Variants in XYLT1 observed in about 807,000 individuals in gnomAD.
XYLT1 encodes the protein beta-D-xylosyltransferase 1.
XYLT1 carries 36 observed loss-of-function variants against 91.3 expected under a neutral mutation model. That is an observed-to-expected ratio of 0.39 (90% CI 0.30 to 0.52). XYLT1 has a LOEUF of 0.52. Ranked by LOEUF, XYLT1 falls within the 20% of genes least tolerant of loss-of-function variation. The probability of loss-of-function intolerance (pLI) is 0.68; values close to 1 mark genes in which losing one functional copy is unlikely to be tolerated. For missense variants in XYLT1, 1,242 were observed against 1,284.5 expected, an observed-to-expected ratio of 0.97 and a Z score of 0.51; for synonymous variants, 588 against 532.0, an observed-to-expected ratio of 1.11 and a Z score of -1.45.
intron 1 of XYLT1, among the ~76,000 whole-genome samples, chr16:17,470,112 C>A (rs1596564646): frequency 1.3e-5 from 2 of 152,278 alleles, no homozygotes; most frequent in East Asian, 3.9e-4. Flanking sequence ...CCTACACGCA[C>A]GGAGCAAGTC....
At chr16:17,123,168 G>A (rs1193949149) in intron 10 of XYLT1, among the ~76,000 whole-genome samples, 1 of 152,198 alleles carries the variant, frequency 6.6e-6, no homozygotes, top group Non-Finnish European at 1.5e-5. Context: ...GCTTTTGGCA[G>A]TATGGTCATG....
chr16:17,148,015 A>G (rs2031181689), intron 6 of XYLT1, among the ~76,000 whole-genome samples: 1 of 152,238 alleles, frequency 6.6e-6, no homozygotes, highest in Non-Finnish European at 1.5e-5. Flanking sequence ...GTGACACTAC[A>G]GCAAACAGAC....
rs116582842 is a variant in XYLT1 at position 17,224,201 on chromosome 16, G to C, written c.914-23547C>G. 8.2e-3 allele frequency among the ~76,000 whole-genome samples: 1,254 copies of C among 152,322 alleles called. 20 individuals are homozygous for C. Among genetic ancestry groups the C allele is most frequent in the African/African-American group, 0.028 (1,169 of 41,568 alleles). ...CTAGGAGCTGTTGTACAGATGTTCT[G>C]ATTGTTGACCACATTCTATCAGCGA... On this transcript the variant is annotated intron_variant, in intron 3 of 11. Coordinates refer to ENST00000261381, the MANE Select transcript of XYLT1 (RefSeq NM_022166.4).
At chr16:17,434,429 CAAT>C (rs1486004800) in intron 1 of XYLT1, among the ~76,000 whole-genome samples, 1 of 152,160 alleles carries the variant, frequency 6.6e-6, no homozygotes, top group Non-Finnish European at 1.5e-5. Context: ...CGTAAGTATG[CAAT>C]GATGAAGATG....
chr16:17,166,372 C>T (rs2031681726), intron 5 of XYLT1, among the ~76,000 whole-genome samples: 1 of 152,176 alleles, frequency 6.6e-6, no homozygotes, highest in African/African-American at 2.4e-5. Context: ...CCTCCAGGAC[C>T]TGACACATAG....
At chr16:17,327,553 G>A (rs1390067716) in intron 2 of XYLT1, among the ~76,000 whole-genome samples, 1 of 140,190 alleles carries the variant, frequency 7.1e-6, no homozygotes, top group African/African-American at 2.7e-5. Context: ...TAGTAGAGAC[G>A]GAGTTTCACC....
chr16:17,190,016 A>C (rs1015527041), intron 5 of XYLT1, among the ~76,000 whole-genome samples: 2 of 152,330 alleles, frequency 1.3e-5, no homozygotes, highest in South Asian at 4.1e-4. Context: ...ATTGCACTCC[A>C]GCCTGGGCAA....
At chr16:17,292,524 C>G (rs2034246507) in intron 2 of XYLT1, among the ~76,000 whole-genome samples, 1 of 152,168 alleles carries the variant, frequency 6.6e-6, no homozygotes, top group Admixed American at 6.5e-5. Flanking sequence ...TCACAATAGC[C>G]CCTGAAATTC....
chr16:17,283,173 C>T (rs776721974), intron 2 of XYLT1, among the ~76,000 whole-genome samples: 22 of 152,230 alleles, frequency 1.4e-4, no homozygotes, highest in Non-Finnish European at 3.1e-4. Flanking sequence ...AACTGACAGA[C>T]TGGCACGTCT....
At chr16:17,446,055 T>C (rs1404883709) in intron 1 of XYLT1, 2 of 152,278 alleles carry the variant, frequency 1.3e-5, no homozygotes, top group East Asian at 3.9e-4. Context: ...CCTATAGATA[T>C]GAGAGATCTA....
In XYLT1 at chr16:17,242,011, G is replaced by A. The variant is rs531873037; in HGVS notation, c.913+16977C>T. On this transcript the variant is annotated intron_variant, in intron 3 of 11. Coordinates refer to ENST00000261381, the MANE Select transcript of XYLT1 (RefSeq NM_022166.4). ...CCGCAGGCAAGAGATAACTTCAGCTGGGGAACTCCTCTTTATAAAACCATC... is the reference window on the plus strand; with the variant it reads ...CCGCAGGCAAGAGATAACTTCAGCTAGGGAACTCCTCTTTATAAAACCATC... Among the ~76,000 whole-genome samples the A allele has an allele frequency of 2.0e-5, 3 of 152,324 alleles. No individual in the cohort carries two copies. The South Asian group carries it at 6.2e-4, about 32-fold the overall frequency.
chr16:17,198,113 G>C, intron 5 of XYLT1, 99 bp downstream of exon 5: 1 of 1,241,960 alleles, frequency 8.1e-7, no homozygotes, highest in Non-Finnish European at 1.2e-6. Context: ...ATCCTGTGGA[G>C]ACTATGCATC....
intron 5 of XYLT1, among the ~76,000 whole-genome samples, chr16:17,172,873 C>T (rs747936533): frequency 6.6e-6 from 1 of 152,104 alleles, no homozygotes; most frequent in East Asian, 1.9e-4. Flanking sequence ...CATTTAAGCC[C>T]GGGTTTTATT....
chr16:17,369,792 T>C (rs2035505288), intron 1 of XYLT1: 1 of 152,232 alleles, frequency 6.6e-6, no homozygotes. Context: ...GAAGAGGTTC[T>C]TAGCACCCAC....
chr16:17,395,945 G>T (rs558485705), intron 1 of XYLT1, among the ~76,000 whole-genome samples: 53 of 152,282 alleles, frequency 3.5e-4, no homozygotes, highest in Non-Finnish European at 6.5e-4. Context: ...TTCACAAGGC[G>T]CCACGGCAGA....
intron 1 of XYLT1, among the ~76,000 whole-genome samples, chr16:17,397,898 C>G (rs1328728360): frequency 6.8e-6 from 1 of 147,124 alleles, no homozygotes; most frequent in East Asian, 2.0e-4. Context: ...TCTCGGCTCA[C>G]TGCAACCTCT....
intron 1 of XYLT1, among the ~76,000 whole-genome samples, chr16:17,400,614 AGGG>A (rs2035951789): frequency 8.0e-6 from 1 of 124,534 alleles, no homozygotes; most frequent in Admixed American, 8.2e-5. Flanking sequence ...AGAGGGAGGG[AGGG>A]AGGGAGGAAG....
intron 2 of XYLT1, among the ~76,000 whole-genome samples, chr16:17,314,934 G>C (rs7198991): frequency 0.14 from 21,754 of 152,166 alleles, 1,864 homozygotes; most frequent in African/African-American, 0.24. Flanking sequence ...AGAGAGGTGA[G>C]AGGTACCCAG....
chr16:17,371,316 G>A (rs960814568), intron 1 of XYLT1, among the ~76,000 whole-genome samples: 4 of 152,204 alleles, frequency 2.6e-5, no homozygotes, highest in Non-Finnish European at 5.9e-5. Context: ...CACATAGAAA[G>A]CACTTGGTAA....
Sources: gnomAD v4.1 joint callset for allele counts (sites outside exome capture counted in the v4.1 genomes callset) on GRCh38, gnomAD v4.1.1 for gene constraint, MANE v1.5 for transcripts, NCBI Gene and HGNC (gene_info 2026-07-23, HGNC 2026-07-21) for gene names.